SCPEP1: variants seen among roughly 807,000 people sequenced by gnomAD.
SCPEP1 encodes the protein retinoid-inducible serine carboxypeptidase.
In SCPEP1, 51 loss-of-function variants were observed where a neutral mutation model predicts 63.8. The observed-to-expected ratio is 0.80, with a 90% CI of 0.64 to 1.01. The LOEUF is 1.01. SCPEP1 is among the 50% of genes least tolerant of loss of function. The pLI is 0.00. For synonymous variants in SCPEP1, 204 were observed against 207.8 expected, an observed-to-expected ratio of 0.98 and a Z score of 0.16; for missense variants, 499 against 554.9, an observed-to-expected ratio of 0.90 and a Z score of 1.01.
Position 56,987,764 on chromosome 17 carries a change from G to T in SCPEP1, c.385G>T (p.Gly129Cys). ...GTGFSYVNGS[G>C]AYAKDLAMVA... ...TGGGTTCAGTTATGTGAATGGTAGT[G>T]GTGCCTATGCCAAGGACCTGGCTAT... Residue 129 changes from glycine (G) to cysteine (C), a missense_variant, in exon 4 of 13, where the codon GGT (glycine) becomes TGT (cysteine). Coordinates refer to ENST00000262288, the MANE Select transcript of SCPEP1 (RefSeq NM_021626.3). 6.2e-7 allele frequency: 1 copy of T among 1,614,112 alleles called. No homozygotes were observed. The highest frequency in any genetic ancestry group is 8.5e-7 in the Non-Finnish European group (1 of 1,180,010).
At chr17:56,993,600 C>A (rs761612719) in intron 6 of SCPEP1, among the ~76,000 whole-genome samples, 1 of 152,184 alleles carries the variant, frequency 6.6e-6, no homozygotes, top group African/African-American at 2.4e-5. Flanking sequence ...CCCACCACTA[C>A]GCCTGGCTAA....
intron 6 of SCPEP1, chr17:56,994,776 C>T: frequency 2.0e-6 from 1 of 489,052 alleles, no homozygotes; most frequent in Non-Finnish European, 3.8e-6. Flanking sequence ...AACAGAAAGG[C>T]CCCCACACCC....
chr17:56,979,305 C>A (rs1467834370), intron 1 of SCPEP1, among the ~76,000 whole-genome samples: 4 of 152,146 alleles, frequency 2.6e-5, no homozygotes, highest in Non-Finnish European at 5.9e-5. Flanking sequence ...ATTTACAAGA[C>A]GTTGTCTCAT....
intron 2 of SCPEP1, chr17:56,983,731 A>C (rs1911131041): frequency 6.6e-6 from 1 of 152,134 alleles, no homozygotes; most frequent in Admixed American, 6.5e-5. Flanking sequence ...TATCAGAGTT[A>C]GGTTGGTCCA....
chr17:56,998,118 C>T, intron 9 of SCPEP1: 2 of 348,128 alleles, frequency 5.7e-6, no homozygotes, highest in Non-Finnish European at 1.1e-5. Context: ...CGAGACCATC[C>T]TGGCCAACAT....
At chr17:56,985,541 C>T (rs553396159) in intron 3 of SCPEP1, 74 bp downstream of exon 3, 30 of 1,098,570 alleles carry the variant, frequency 2.7e-5, no homozygotes, top group East Asian at 2.4e-4. Context: ...CTGGGAGGGG[C>T]CACAAATGTA....
In SCPEP1 at chr17:57,002,193, C is replaced by T. The variant is rs1350861320; in HGVS notation, c.1296+12C>T. ...AAGCTGGTCATATGGTAAGAAAGAG[C>T]TTTTGTTCCAGACTTAAAAATCATC... On this transcript the variant is annotated intron_variant, in intron 12 of 12. Transcript: ENST00000262288. 6.2e-7 allele frequency: 1 copy of T among 1,611,016 alleles called. No individual in the cohort carries two copies. Among genetic ancestry groups the T allele is most frequent in the Non-Finnish European group, 8.5e-7 (1 of 1,178,866 alleles).
At chr17:56,979,328 T>C (rs1911003223) in intron 1 of SCPEP1, among the ~76,000 whole-genome samples, 1 of 152,194 alleles carries the variant, frequency 6.6e-6, no homozygotes, top group Non-Finnish European at 1.5e-5. Flanking sequence ...TCTTCCTCTC[T>C]ACTCCTGTCT....
intron 1 of SCPEP1, among the ~76,000 whole-genome samples, chr17:56,979,024 G>A (rs530138749): frequency 6.6e-6 from 1 of 152,212 alleles, no homozygotes; most frequent in Non-Finnish European, 1.5e-5. Context: ...TCTCAAGGGA[G>A]CGCAGCCTTA....
intron 7 of SCPEP1, 135 bp from the exon 8 acceptor site, chr17:56,995,372 G>A (rs1911514099): frequency 1.1e-6 from 1 of 903,598 alleles, no homozygotes; most frequent in Middle Eastern, 2.9e-4. Context: ...CATGTGGCTT[G>A]TAACAATACA....
intron 12 of SCPEP1, among the ~76,000 whole-genome samples, chr17:57,005,320 A>G (rs1911851899): frequency 6.6e-6 from 1 of 152,210 alleles, no homozygotes; most frequent in South Asian, 2.1e-4. Flanking sequence ...TCTGTATACT[A>G]GAGTTCAGGC....
At chr17:56,990,696 A>G (rs1392145007) in intron 5 of SCPEP1, among the ~76,000 whole-genome samples, 2 of 150,856 alleles carry the variant, frequency 1.3e-5, no homozygotes, top group Non-Finnish European at 2.9e-5. Flanking sequence ...GTACAGTAGC[A>G]TGATCATGGC....
chr17:56,996,755 G>A lies in SCPEP1; in HGVS notation c.787-207G>A, dbSNP rs181223051. On this transcript the variant is annotated intron_variant, in intron 8 of 12. Transcript: ENST00000262288. ...GCCGGTCTCGAACTCCTGGGCTCAA[G>A]TGATCCACCCACCTCAGCCTCCCGA... Among the ~76,000 whole-genome samples the A allele has an allele frequency of 3.3e-5, 5 of 152,144 alleles. No individual in the cohort carries two copies. The East Asian group carries it at 7.7e-4, about 23-fold the overall frequency.
chr17:57,000,992 G>C lies in SCPEP1; in HGVS notation c.1132G>C (p.Gly378Arg). The change falls in exon 11 of 13, where the codon GGT becomes CGT. Residue 378 changes from glycine (G) to arginine (R), a missense_variant and splice_region_variant. Transcript: ENST00000262288. ...GQLDLIVDTM[G>R]QEAWVRKLKW... is the part of the protein sequence containing the mutation. Reference sequence around the variant, plus strand: ...GCTGGATCTCATCGTAGATACCATGGGTAGGAATTGACTCTGAGAGGCACC... The same window carrying C: ...GCTGGATCTCATCGTAGATACCATGCGTAGGAATTGACTCTGAGAGGCACC... 5 of 1,614,136 alleles carry C rather than the reference G, an allele frequency of 3.1e-6. No homozygotes were observed. In the East Asian group the frequency reaches 1.1e-4, roughly 36 times the overall value.
chr17:57,002,527 G>T (rs775029030), intron 12 of SCPEP1, among the ~76,000 whole-genome samples: 5 of 152,184 alleles, frequency 3.3e-5, no homozygotes, highest in Non-Finnish European at 4.4e-5. Flanking sequence ...ACCAGCCTTC[G>T]CAACGTGGCG....
At chr17:56,996,496 C>G (rs576664698) in intron 8 of SCPEP1, among the ~76,000 whole-genome samples, 1 of 150,142 alleles carries the variant, frequency 6.7e-6, no homozygotes, top group East Asian at 2.0e-4. Context: ...TGAGCCACCG[C>G]GCCTGGCCTC....
In SCPEP1 at chr17:56,997,172, C is replaced by T. The variant is rs551936585; in HGVS notation, c.880+117C>T. On this transcript the variant is annotated intron_variant, in intron 9 of 12. Coordinates refer to ENST00000262288, the MANE Select transcript of SCPEP1 (RefSeq NM_021626.3). ...TATAATTTGCATACCATAAAATTAA[C>T]TCACTGTAAGTGGTTTTCAGTATAT... 6.5e-6 allele frequency: 4 copies of T among 612,850 alleles called. No individual in the cohort carries two copies. The South Asian group carries it at 1.1e-4, about 17-fold the overall frequency. The allele number at this position is 612,850 out of a possible 1,614,324, so 38.0% of individuals were successfully genotyped here. A position where few individuals can be genotyped will look rare whatever the true frequency, so the allele number is the denominator to read the frequency against.
At chr17:56,998,326 G>C in intron 9 of SCPEP1, 59 bp from the exon 10 acceptor site, 1 of 825,424 alleles carries the variant, frequency 1.2e-6, no homozygotes, top group African/African-American at 1.8e-5. Context: ...AAAAAAAAAA[G>C]ATGTCCTCTT....
chr17:56,986,372 A>T (rs1049357868), intron 3 of SCPEP1, among the ~76,000 whole-genome samples: 1 of 151,996 alleles, frequency 6.6e-6, no homozygotes, highest in South Asian at 2.1e-4. Flanking sequence ...GGCATGCGCC[A>T]GCACGCCCGG....
Sources: gnomAD v4.1 joint callset for allele counts (sites outside exome capture counted in the v4.1 genomes callset) on GRCh38, gnomAD v4.1.1 for gene constraint, MANE v1.5 for transcripts, NCBI Gene and HGNC (gene_info 2026-07-23, HGNC 2026-07-21) for gene names.